ADGRG3: variants seen among roughly 807,000 people sequenced by gnomAD.
The protein encoded by ADGRG3 is adhesion G protein-coupled receptor G3.
ADGRG3 carries 39 observed loss-of-function variants against 54.3 expected under a neutral mutation model. That is an observed-to-expected ratio of 0.72 (90% CI 0.56 to 0.94). The LOEUF is 0.94. Among genes scored for constraint, ADGRG3 ranks in the 40% least tolerant of loss-of-function variants. The probability of loss-of-function intolerance (pLI) is 0.00; values close to 1 mark genes in which losing one functional copy is unlikely to be tolerated. For missense variants in ADGRG3, 654 were observed against 694.6 expected (o/e 0.94, Z 0.66); for synonymous variants, 312 against 290.0 (o/e 1.08, Z -0.77).
upstream of ADGRG3, among the ~76,000 whole-genome samples, chr16:57,667,039 C>G (rs1324816210): frequency 6.6e-6 from 1 of 152,256 alleles, no homozygotes; most frequent in Non-Finnish European, 1.5e-5. Flanking sequence ...CTTCGCAGCC[C>G]TCCCTGCAGA....
chr16:57,685,405 C>T (rs1432133803), intron 10 of ADGRG3, among the ~76,000 whole-genome samples: 1 of 152,284 alleles, frequency 6.6e-6, no homozygotes, highest in African/African-American at 2.4e-5. Flanking sequence ...CCACTAATTC[C>T]GTTTTTTTCA....
intron 11 of ADGRG3, chr16:57,686,748 C>T (rs2048480418): frequency 1.3e-5 from 2 of 152,230 alleles, no homozygotes. Context: ...ATCTCTGGTC[C>T]AATCAGCTGC....
chr16:57,675,643 A>G (rs1482827260), intron 2 of ADGRG3, among the ~76,000 whole-genome samples: 1 of 152,178 alleles, frequency 6.6e-6, no homozygotes, highest in Non-Finnish European at 1.5e-5. Context: ...ATAAAATAAA[A>G]TGGAATACTG....
chr16:57,673,179 C>G (rs2048192588), intron 1 of ADGRG3, 142 bp from the exon 2 acceptor site: 1 of 752,964 alleles, frequency 1.3e-6, no homozygotes, highest in South Asian at 1.8e-5. Context: ...GCATCCTGCT[C>G]AAGTGCACCG....
intron 6 of ADGRG3, 63 bp from the exon 7 acceptor site, chr16:57,680,202 C>T: frequency 1.6e-6 from 1 of 608,404 alleles, no homozygotes; most frequent in Non-Finnish European, 3.0e-6. Flanking sequence ...CCCCTCCTCT[C>T]CCCTCCCTTG....
rs974116283 is a variant in ADGRG3 at position 57,668,372 on chromosome 16, G to C, written c.25G>C (p.Ala9Pro). 16 of 1,575,756 alleles carry C rather than the reference G, an allele frequency of 1.0e-5. No homozygotes were observed. The highest frequency in any genetic ancestry group is 4.0e-5 in the African/African-American group (3 of 74,760). The change falls in exon 1 of 12, where the codon GCC becomes CCC. Residue 9 changes from alanine (A) to proline (P), a missense_variant. Coordinates refer to ENST00000333493, the MANE Select transcript of ADGRG3 (RefSeq NM_170776.5). MATPRGLG[A>P]LLLLLLLPTS... ...GATGGCGACGCCCAGGGGCCTGGGG[G>C]CCCTGCTCCTGCTCCTCCTGCTCCC... is the stretch of plus-strand genomic sequence containing the variant.
chr16:57,684,432 G>A lies in ADGRG3; in HGVS notation c.1205G>A (p.Ser402Asn). 1 of 1,613,950 alleles carries A rather than the reference G, an allele frequency of 6.2e-7. No individual in the cohort carries two copies. Among genetic ancestry groups the A allele is most frequent in the South Asian group, 1.1e-5 (1 of 91,080 alleles). ...GTCATCGGCACTGGGAGTGCCAACA[G>A]CTACGGCCTCTACACCATCCGTGAT... Reference protein sequence around the residue: ...LMVIGTGSANSYGLYTIRDRE... With the variant: ...LMVIGTGSANNYGLYTIRDRE... The change falls in exon 10 of 12, where the codon AGC (serine) becomes AAC (asparagine). Residue 402 changes from serine to asparagine, a missense_variant. Physicochemically the swap from Ser to Asn is conservative, Grantham distance 46 (BLOSUM62 1). Transcript: ENST00000333493.
chr16:57,671,332 GTTTTTTT>G (rs60592653), intron 1 of ADGRG3, among the ~76,000 whole-genome samples: 3 of 86,358 alleles, frequency 3.5e-5, no homozygotes, highest in East Asian at 8.5e-4. Context: ...TAGAATAGGA[GTTTTTTT>G]TTTTTTTTTT....
rs1248520920 is a variant in ADGRG3, at chr16:57,678,152, C to T, written c.346-18C>T. The T allele has an allele frequency of 1.9e-6, 3 of 1,613,176 alleles. No individual in the cohort carries two copies. The highest frequency in any genetic ancestry group is 3.3e-5 in the Admixed American group (2 of 59,994). ...GGGGGGTGGGTACAGATGGGAGCTG[C>T]TGTGTCTGTGGTTGTAGGTTCCGAG... On this transcript the variant is annotated intron_variant, in intron 3 of 11. Transcript: ENST00000333493.
chr16:57,688,321 C>G (rs1304019304), intron 11 of ADGRG3, 31 bp from the exon 12 acceptor site: 1 of 1,426,708 alleles, frequency 7.0e-7, no homozygotes, highest in African/African-American at 1.4e-5. Context: ...CACCCCTTTC[C>G]AGGCTCACCG....
At chr16:57,675,848 T>C (rs1597760885) in intron 2 of ADGRG3, among the ~76,000 whole-genome samples, 1 of 152,034 alleles carries the variant, frequency 6.6e-6, no homozygotes, top group South Asian at 2.1e-4. Context: ...CGGGTTTCCT[T>C]TGGGGTGATG....
chr16:57,674,646 C>A, intron 2 of ADGRG3: 1 of 440,476 alleles, frequency 2.3e-6, no homozygotes, highest in African/African-American at 2.0e-5. Flanking sequence ...TTTGTGCTGC[C>A]CAGGTATATG....
Position 57,684,137 on chromosome 16 carries a change from C to G in ADGRG3, c.1087C>G (p.Leu363Val). 1 of 1,614,098 alleles carries G rather than the reference C, an allele frequency of 6.2e-7. No homozygotes were observed. The highest frequency in any genetic ancestry group is 8.5e-7 in the Non-Finnish European group (1 of 1,179,978). Residue 363 changes from leucine to valine, a missense_variant, in exon 9 of 12, where the codon CTC becomes GTC. Transcript: ENST00000333493. ...FTWMGLEAFH[L>V]YLLAVRVFNT... Reference sequence around the variant, plus strand: ...CTGGATGGGCCTTGAAGCCTTCCACCTCTACCTGCTCGCTGTCAGGGTCTT... The same window carrying G: ...CTGGATGGGCCTTGAAGCCTTCCACGTCTACCTGCTCGCTGTCAGGGTCTT...
At chr16:57,685,261 C>T (rs1290441198) in intron 10 of ADGRG3, among the ~76,000 whole-genome samples, 1 of 152,180 alleles carries the variant, frequency 6.6e-6, no homozygotes, top group African/African-American at 2.4e-5. Context: ...AGCGGACTGG[C>T]AGTCACAAGC....
chr16:57,684,004 C>T lies in ADGRG3; in HGVS notation c.954C>T (p.Leu318=). 6.2e-7 allele frequency: 1 copy of T among 1,609,918 alleles called. No homozygotes were observed. Among genetic ancestry groups the T allele is most frequent in the Non-Finnish European group, 8.5e-7 (1 of 1,176,986 alleles). The change falls in exon 9 of 12, where the codon CTC becomes CTT. Residue 318 remains leucine, a synonymous_variant. Coordinates refer to ENST00000333493, the MANE Select transcript of ADGRG3 (RefSeq NM_170776.5). ...IHVALGGSLF[L]LNLAFLVNVG... Reference sequence around the variant, plus strand: ...TGGCCCTGGGTGGCAGCCTGTTCCTCCTGAATCTGGCCTTCTTGGTCAATG... The same window carrying T: ...TGGCCCTGGGTGGCAGCCTGTTCCTTCTGAATCTGGCCTTCTTGGTCAATG...
chr16:57,679,138 C>T (rs772157074), intron 4 of ADGRG3, 39 bp from the exon 5 acceptor site: 2 of 1,611,060 alleles, frequency 1.2e-6, no homozygotes, highest in Non-Finnish European at 1.7e-6. Flanking sequence ...TGGGATGGCC[C>T]CTTCTGCAGC....
chr16:57,681,141 T>G (rs1202103614), intron 8 of ADGRG3: 5 of 161,128 alleles, frequency 3.1e-5, no homozygotes, highest in African/African-American at 1.2e-4. Flanking sequence ...GAGAAGGATT[T>G]TATTTTGAGA....
At chr16:57,671,836 T>C (rs558641180) in intron 1 of ADGRG3, among the ~76,000 whole-genome samples, 1 of 152,208 alleles carries the variant, frequency 6.6e-6, no homozygotes, top group East Asian at 1.9e-4. Context: ...TGCAACTATA[T>C]AAAGAATGAG....
intron 8 of ADGRG3, among the ~76,000 whole-genome samples, chr16:57,681,379 CGCGT>C (rs71729537): frequency 0.059 from 4,489 of 76,658 alleles, 197 homozygotes; most frequent in African/African-American, 0.16. Flanking sequence ...TGTGTGTGCG[CGCGT>C]GCGTGCGCGC....
Sources: allele counts gnomAD v4.1 joint callset (sites outside exome capture counted in the v4.1 genomes callset), GRCh38; gene constraint gnomAD v4.1.1; transcripts MANE v1.5; gene names NCBI Gene and HGNC (gene_info 2026-07-23, HGNC 2026-07-21).